The following PTPRS variants were observed in gnomAD, a reference collection of about 807,000 sequenced individuals.
PTPRS encodes the protein protein tyrosine phosphatase receptor type S.
PTPRS carries 63 observed loss-of-function variants against 215.3 expected under a neutral mutation model. The observed-to-expected ratio is 0.29, with a 90% CI of 0.24 to 0.36. PTPRS has a LOEUF of 0.36. Ranked by LOEUF, PTPRS falls within the 10% of genes least tolerant of loss-of-function variation. The pLI is 1.00. For missense variants in PTPRS, 2,258 were observed against 2,825.8 expected (o/e 0.80, Z 4.56); for synonymous variants, 1,404 against 1,191.4 (o/e 1.18, Z -3.68).
Position 5,221,259 on chromosome 19 carries a change from GACCAGGGCTAGCTC to G in PTPRS, c.3202-20_3202-7del. On this transcript the variant is annotated splice_polypyrimidine_tract_variant and splice_region_variant and intron_variant, in intron 19 of 37. Coordinates refer to ENST00000262963, the MANE Select transcript of PTPRS (RefSeq NM_002850.4). ...GTGAGCCCATTGTACTGGATCTGCGGACCAGGGCTAGCTCAGCAGGGCCTGGTGGGCTCATGCCC... is the reference window on the plus strand; with the variant it reads ...GTGAGCCCATTGTACTGGATCTGCGGAGCAGGGCCTGGTGGGCTCATGCCC... 6.2e-7 allele frequency: 1 copy of G among 1,609,362 alleles called. No homozygotes were observed. Among genetic ancestry groups the G allele is most frequent in the African/African-American group, 1.3e-5 (1 of 74,954 alleles).
At chr19:5,211,295 G>A (rs557551609) in intron 33 of PTPRS, among the ~76,000 whole-genome samples, 77 of 152,308 alleles carry the variant, frequency 5.1e-4, no homozygotes, top group African/African-American at 1.4e-3. Context: ...CACCCAGGCA[G>A]TACCAGTAGT....
At position 5,229,659 on chromosome 19, in the gene PTPRS, C is replaced by T; in HGVS notation, c.2181G>A (p.Val727=). The change falls in exon 15 of 38, where the codon GTG becomes GTA. Residue 727 remains valine (V), a synonymous_variant. Coordinates refer to ENST00000262963, the MANE Select transcript of PTPRS (RefSeq NM_002850.4). ...EDVPSAPPRK[V]EAEALNATAI... Reference sequence around the variant, plus strand: ...CCGTGGCGTTGAGCGCCTCCGCCTCCACCTTCCGCGGCGGCGCGCTGGGCA... The same window carrying T: ...CCGTGGCGTTGAGCGCCTCCGCCTCTACCTTCCGCGGCGGCGCGCTGGGCA... 1 of 1,284,926 alleles carries T rather than the reference C, an allele frequency of 7.8e-7. No individual in the cohort carries two copies. The highest frequency in any genetic ancestry group is 9.8e-7 in the Non-Finnish European group (1 of 1,021,428). 79.6% of individuals were successfully genotyped at this position (1,284,926 alleles called of 1,614,324 possible).
At chr19:5,218,280 G>A in intron 25 of PTPRS, 140 bp downstream of exon 25, 1 of 726,652 alleles carries the variant, frequency 1.4e-6, no homozygotes, top group Non-Finnish European at 2.4e-6. Flanking sequence ...AGGGTTGGAG[G>A]TATTTGGGAA....
intron 4 of PTPRS, among the ~76,000 whole-genome samples, chr19:5,269,111 G>A (rs764902123): frequency 1.3e-5 from 2 of 152,114 alleles, no homozygotes; most frequent in Non-Finnish European, 1.5e-5. Context: ...ATGCATGCTC[G>A]TGTGCCTACG....
chr19:5,331,380 G>T (rs1488968465), intron 1 of PTPRS, among the ~76,000 whole-genome samples: 1 of 151,892 alleles, frequency 6.6e-6, no homozygotes, highest in Non-Finnish European at 1.5e-5. Flanking sequence ...CAATCCTCCC[G>T]CTTTAACCTC....
At chr19:5,306,616 A>G (rs2049503144) in intron 1 of PTPRS, among the ~76,000 whole-genome samples, 1 of 152,080 alleles carries the variant, frequency 6.6e-6, no homozygotes, top group African/African-American at 2.4e-5. Context: ...CCCTGTGGAC[A>G]CTTCGGTTGC....
At chr19:5,239,886 T>G (rs1393310147) in intron 12 of PTPRS, among the ~76,000 whole-genome samples, 1 of 147,256 alleles carries the variant, frequency 6.8e-6, no homozygotes, top group Non-Finnish European at 1.5e-5. Context: ...GGATGGAGAG[T>G]GAGCGTCAGA....
rs1234946826 is a variant in PTPRS at position 5,222,344 on chromosome 19, A to G, written c.3104-124T>C. 4 of 807,984 alleles carry G rather than the reference A, an allele frequency of 5.0e-6. No individual in the cohort carries two copies. In the African/African-American group the frequency reaches 6.7e-5, roughly 14 times the overall value. 50.1% of individuals were successfully genotyped at this position (807,984 alleles called of 1,614,324 possible). ...GCGCTCCCTGTCGTCCGCTGTGCCC[A>G]TGCCCACGGCCTTCCTGCCTGGCCC... On this transcript the variant is annotated intron_variant, in intron 18 of 37. Coordinates refer to ENST00000262963, the MANE Select transcript of PTPRS (RefSeq NM_002850.4).
chr19:5,325,007 T>A (rs2050132498), intron 1 of PTPRS, among the ~76,000 whole-genome samples: 1 of 152,132 alleles, frequency 6.6e-6, no homozygotes, highest in African/African-American at 2.4e-5. Context: ...AAAGCACAAA[T>A]AAGGAATGAT....
At chr19:5,268,063 G>A (rs531271663) in intron 4 of PTPRS, among the ~76,000 whole-genome samples, 19 of 152,226 alleles carry the variant, frequency 1.2e-4, no homozygotes, top group Non-Finnish European at 2.4e-4. Context: ...CCAGCTACTC[G>A]GGAGGCTGAG....
chr19:5,265,200 A>T lies in PTPRS; in HGVS notation c.380-4T>A. On this transcript the variant is annotated splice_polypyrimidine_tract_variant and splice_region_variant and intron_variant, in intron 4 of 37. Coordinates refer to ENST00000262963, the MANE Select transcript of PTPRS (RefSeq NM_002850.4). ...AAGCCAGAGGGCAGCTGGTCCTCTG[A>T]GGGCAGAGACGTGAGAGAAATGGGC... is the stretch of plus-strand genomic sequence containing the variant. 1 of 1,612,360 alleles carries T rather than the reference A, an allele frequency of 6.2e-7. No homozygotes were observed. Among genetic ancestry groups the T allele is most frequent in the Non-Finnish European group, 8.5e-7 (1 of 1,178,898 alleles).
chr19:5,320,899 T>C (rs1356609271), intron 1 of PTPRS, among the ~76,000 whole-genome samples: 1 of 152,134 alleles, frequency 6.6e-6, no homozygotes, highest in Non-Finnish European at 1.5e-5. Flanking sequence ...TCATTGCTAC[T>C]AAGGGACAGA....
chr19:5,288,752 G>C (rs1229366481), intron 1 of PTPRS, among the ~76,000 whole-genome samples: 1 of 152,186 alleles, frequency 6.6e-6, no homozygotes, highest in African/African-American at 2.4e-5. Context: ...GCCCAGGTGG[G>C]GCACATATAT....
rs112672970 is a variant in PTPRS at position 5,304,308 on chromosome 19, A to G, written c.-94-18074T>C. Among the ~76,000 whole-genome samples the G allele has an allele frequency of 1.8e-3, 274 of 152,106 alleles. 3 individuals are homozygous for G. Among genetic ancestry groups the G allele is most frequent in the African/African-American group, 6.3e-3 (261 of 41,510 alleles). On this transcript the variant is annotated intron_variant, in intron 1 of 37. Coordinates refer to ENST00000262963, the MANE Select transcript of PTPRS (RefSeq NM_002850.4). ...GTGAAACCTCCATCTCTACTAAAAA[A>G]AATAAGAAATAAAAAAATAAAAATA...
In PTPRS at chr19:5,229,639, G is replaced by T. The variant is rs1328222592; in HGVS notation, c.2201C>A (p.Ala734Asp). 6.2e-5 allele frequency: 83 copies of T among 1,338,870 alleles called. No homozygotes were observed. Among genetic ancestry groups the T allele is most frequent in the Non-Finnish European group, 7.8e-5 (82 of 1,050,760 alleles). 82.9% of individuals were successfully genotyped at this position (1,338,870 alleles called of 1,614,324 possible). Residue 734 changes from alanine to aspartate, a missense_variant, in exon 15 of 38, where the codon GCC becomes GAC. By Grantham distance (126) the Ala-to-Asp change is moderately radical (BLOSUM62 -2). Coordinates refer to ENST00000262963, the MANE Select transcript of PTPRS (RefSeq NM_002850.4). ...PRKVEAEALN[A>D]TAIRVLWRSP... is the part of the protein sequence containing the mutation. ...GCGCCACAGCACGCGGATGGCCGTGGCGTTGAGCGCCTCCGCCTCCACCTT... is the reference window on the plus strand; with the variant it reads ...GCGCCACAGCACGCGGATGGCCGTGTCGTTGAGCGCCTCCGCCTCCACCTT...
At chr19:5,273,342 A>C (rs753289115) in intron 4 of PTPRS, 100 bp downstream of exon 4, 19 of 1,565,932 alleles carry the variant, frequency 1.2e-5, no homozygotes, top group Admixed American at 1.7e-5. Flanking sequence ...AAAAAACACA[A>C]AGCAGGAGGG....
chr19:5,216,570 C>A (rs1038054069), intron 26 of PTPRS, 150 bp downstream of exon 26: 5 of 694,028 alleles, frequency 7.2e-6, no homozygotes, highest in Admixed American at 2.6e-5. Flanking sequence ...CAACCCCCTG[C>A]CCTCTTCCAG....
rs2045930983 is a variant in PTPRS at position 5,260,797 on chromosome 19, C to A, written c.595+8G>T. On this transcript the variant is annotated splice_region_variant and intron_variant, in intron 7 of 37. Transcript: ENST00000262963. ...CGTGAGTGGGTGGGTGAGTGAGGAG[C>A]CTCTTACCTCGAATCGGAGTGCTTT... 1.9e-6 allele frequency: 3 copies of A among 1,613,712 alleles called. No individual in the cohort carries two copies. Among genetic ancestry groups the A allele is most frequent in the Non-Finnish European group, 1.7e-6 (2 of 1,179,780 alleles).
At chr19:5,225,977 A>C in intron 16 of PTPRS, 133 bp from the exon 17 acceptor site, 1 of 707,656 alleles carries the variant, frequency 1.4e-6, no homozygotes, top group Non-Finnish European at 2.5e-6. Context: ...ACATGAGCTC[A>C]TGCAGAGACC....
Sources: gnomAD v4.1 joint callset for allele counts (sites outside exome capture counted in the v4.1 genomes callset) on GRCh38, gnomAD v4.1.1 for gene constraint, MANE v1.5 for transcripts, NCBI Gene and HGNC (gene_info 2026-07-23, HGNC 2026-07-21) for gene names.